SPATA31C1: variants seen among roughly 807,000 people sequenced by gnomAD.
SPATA31C1 encodes the protein spermatogenesis-associated protein 31C1.
exon 5 of SPATA31C1, chr9:87,922,201 C>A (rs774373421): frequency 6.2e-7 from 1 of 1,613,162 alleles, no homozygotes; most frequent in Non-Finnish European, 8.5e-7. Context: ...TCCTTGAAGG[C>A]TCCTACAGCT....
At chr9:87,923,426 T>A in exon 5 of SPATA31C1, 1 of 1,600,846 alleles carries the variant, frequency 6.2e-7, no homozygotes, top group Non-Finnish European at 8.5e-7. Flanking sequence ...TCAGTCCCCC[T>A]CAGCACCGGC....
chr9:87,923,228 C>G (rs1828928145), exon 5 of SPATA31C1: 1 of 1,603,450 alleles, frequency 6.2e-7, no homozygotes, highest in South Asian at 1.1e-5. Context: ...ACCCGTTCTA[C>G]TCAGACCACA....
rs201513727 is a variant in SPATA31C1, at chr9:87,915,726, T to C, written n.189+1016T>C. 0.038 allele frequency among the ~76,000 whole-genome samples: 5,473 copies of C among 142,956 alleles called. 1,232 individuals are homozygous for C. The East Asian group carries it at 0.51, about 13-fold the overall frequency. 93.8% of individuals were successfully genotyped at this position (142,956 alleles called of 152,430 possible). On this transcript the variant is annotated intron_variant and non_coding_transcript_variant, in intron 1 of 4. Coordinates refer to ENST00000420021, the Ensembl canonical transcript of SPATA31C1. ...TGCACTTTTTTCAAAAGTCAGTTGG[T>C]TGTACTTGTATGGAACTATTTCTGA... is the stretch of plus-strand genomic sequence containing the variant.
chr9:87,915,274 C>T (rs1828690382), intron 1 of SPATA31C1, among the ~76,000 whole-genome samples: 1 of 122,870 alleles, frequency 8.1e-6, no homozygotes, highest in Non-Finnish European at 1.8e-5. Context: ...CCATGGTGGA[C>T]CTCATATTGA....
At chr9:87,920,380 C>T in exon 5 of SPATA31C1, 4 of 1,613,988 alleles carry the variant, frequency 2.5e-6, no homozygotes, top group Non-Finnish European at 3.4e-6. Context: ...GAAGATGCTG[C>T]TCCCATTGTC....
At chr9:87,915,495 G>C (rs1456339405) in intron 1 of SPATA31C1, among the ~76,000 whole-genome samples, 2 of 145,358 alleles carry the variant, frequency 1.4e-5, no homozygotes, top group Admixed American at 6.8e-5. Flanking sequence ...GTAGAGATGG[G>C]GTTTCACCAT....
At chr9:87,919,002 T>C in intron 2 of SPATA31C1, 1 of 457,750 alleles carries the variant, frequency 2.2e-6, no homozygotes. Context: ...ACTCTTGACC[T>C]CAGGTGATCC....
exon 5 of SPATA31C1, chr9:87,921,836 C>G: frequency 6.2e-7 from 1 of 1,612,050 alleles, no homozygotes; most frequent in Non-Finnish European, 8.5e-7. Context: ...TGCTTTCCTT[C>G]CTTGAGCTGT....
chr9:87,917,035 C>T (rs767751561), intron 1 of SPATA31C1, among the ~76,000 whole-genome samples: 28 of 124,360 alleles, frequency 2.3e-4, no homozygotes, highest in African/African-American at 6.8e-4. Context: ...ACATGTACCC[C>T]GGAACTTAAA....
exon 5 of SPATA31C1, chr9:87,921,068 G>A (rs762475830): frequency 1.2e-5 from 20 of 1,611,324 alleles, no homozygotes; most frequent in Middle Eastern, 2.2e-4. Context: ...CTTGCCCTGC[G>A]TCGCAGAATA....
exon 5 of SPATA31C1, chr9:87,920,734 T>A: frequency 6.2e-7 from 1 of 1,613,962 alleles, no homozygotes; most frequent in Non-Finnish European, 8.5e-7. Flanking sequence ...GCGGCTTCTG[T>A]CCCAGCCATC....
chr9:87,917,200 C>A (rs192582841), intron 1 of SPATA31C1, among the ~76,000 whole-genome samples: 3,686 of 110,106 alleles, frequency 0.033, 7 homozygotes, highest in East Asian at 0.09. Context: ...TCACAAGGTC[C>A]GGAGATCGAG....
exon 5 of SPATA31C1, chr9:87,921,928 C>T (rs913836448): frequency 2.5e-6 from 4 of 1,611,974 alleles, no homozygotes; most frequent in Non-Finnish European, 3.4e-6. Flanking sequence ...GTCCTCAAGC[C>T]CATTCAGTGC....
Position 87,921,390 on chromosome 9 carries a change from T to C in SPATA31C1, n.1780T>C, listed in dbSNP as rs1294808133. ...TCAGGCCAAGGGCAAACCCAGGCCC[T>C]GGCAGTCCTCCACGTCCACAGGTGA... is the stretch of plus-strand genomic sequence containing the variant. On this transcript the variant is annotated non_coding_transcript_exon_variant, in exon 5 of 5. Coordinates refer to ENST00000420021, the Ensembl canonical transcript of SPATA31C1. The C allele has an allele frequency of 5.0e-6, 8 of 1,611,840 alleles. No individual in the cohort carries two copies. The Admixed American group carries it at 1.2e-4, about 24-fold the overall frequency.
chr9:87,915,536 G>A lies in SPATA31C1; in HGVS notation n.189+826G>A, dbSNP rs145815912. Among the ~76,000 whole-genome samples, 5,696 of 145,050 alleles carry A rather than the reference G, an allele frequency of 0.039. 1,333 individuals carry two copies. The East Asian group carries it at 0.51, about 13-fold the overall frequency. On this transcript the variant is annotated intron_variant and non_coding_transcript_variant, in intron 1 of 4. Transcript: ENST00000420021. ...GGCTGGTCTCAAACTCTTGACTTTA[G>A]GTGATCCACCTGCCTCGGCCTCCCA...
chr9:87,921,560 G>A (rs542246902), exon 5 of SPATA31C1: 1 of 1,611,996 alleles, frequency 6.2e-7, no homozygotes, highest in South Asian at 1.1e-5. Flanking sequence ...CGACCTCTGA[G>A]GAGTCAGAAA....
chr9:87,919,129 G>C, intron 2 of SPATA31C1, 126 bp from the exon 2 acceptor site: 1 of 1,404,284 alleles, frequency 7.1e-7, no homozygotes, highest in Admixed American at 2.0e-5. Context: ...GAGTGGGAGG[G>C]GAGAAAGCAC....
chr9:87,922,102 A>C (rs1434682665), exon 5 of SPATA31C1: 1 of 1,613,968 alleles, frequency 6.2e-7, no homozygotes, highest in East Asian at 2.2e-5. Flanking sequence ...CCATCTGTTC[A>C]CATGCCAGAG....
exon 5 of SPATA31C1, chr9:87,921,071 G>A (rs771370338): frequency 9.3e-6 from 15 of 1,611,434 alleles, no homozygotes; most frequent in South Asian, 3.3e-5. Context: ...GCCCTGCGTC[G>A]CAGAATAAAG....
Sources: gnomAD v4.1 joint callset for allele counts (sites outside exome capture counted in the v4.1 genomes callset) on GRCh38, gnomAD v4.1.1 for gene constraint, MANE v1.5 for transcripts, NCBI Gene and HGNC (gene_info 2026-07-23, HGNC 2026-07-21) for gene names.